LIMD1: variants seen among roughly 807,000 people sequenced by gnomAD.
LIMD1 encodes LIM domain containing 1, also known as LIM domain-containing protein 1.
Under a neutral mutation model 58.4 loss-of-function variants are expected in LIMD1, and 23 were observed. That is an observed-to-expected ratio of 0.39 (90% confidence interval 0.28 to 0.56). The LOEUF (loss-of-function observed/expected upper bound fraction) is 0.56, where lower values mean the gene tolerates loss of function less well. LIMD1 is among the 20% of genes least tolerant of loss of function. The pLI, the probability that LIMD1 is intolerant of heterozygous loss-of-function variation, is 0.57. For synonymous variants in LIMD1, 334 were observed against 345.5 expected (o/e 0.97, Z 0.37); for missense variants, 838 against 855.5 (o/e 0.98, Z 0.25).
intron 1 of LIMD1, among the ~76,000 whole-genome samples, chr3:45,618,631 G>A (rs1007810702): frequency 1.3e-5 from 2 of 152,164 alleles, no homozygotes; most frequent in Middle Eastern, 3.2e-3. Flanking sequence ...CTTTTATGGG[G>A]CACCTCTGTG....
chr3:45,618,265 A>G (rs1701593633), intron 1 of LIMD1, among the ~76,000 whole-genome samples: 1 of 152,202 alleles, frequency 6.6e-6, no homozygotes, highest in African/African-American at 2.4e-5. Context: ...TGCGTGCGTC[A>G]TTCATTCATT....
At chr3:45,669,863 A>T (rs1168350561) in intron 4 of LIMD1, among the ~76,000 whole-genome samples, 1 of 152,164 alleles carries the variant, frequency 6.6e-6, no homozygotes, top group East Asian at 1.9e-4. Context: ...TTATGCATGA[A>T]GCTGCTGTGA....
chr3:45,595,894 G>A lies in LIMD1; in HGVS notation c.1015G>A (p.Asp339Asn). The change falls in exon 1 of 8, where the codon GAT becomes AAT. Residue 339 changes from aspartate to asparagine, a missense_variant. This residue lies in a region of LIMD1 where 659 missense variants were observed against 639.8 expected (regional missense o/e 1.03). Coordinates refer to ENST00000273317, the MANE Select transcript of LIMD1 (RefSeq NM_014240.3). ...PNVDPQPWFQ[D>N]GPKSYLSSSA... ...TGTGGACCCCCAACCCTGGTTCCAG[G>A]ATGGGCCCAAATCTTACCTTTCCAG... The A allele has an allele frequency of 6.2e-7, 1 of 1,614,244 alleles. No homozygotes were observed. The highest frequency in any genetic ancestry group is 8.5e-7 in the Non-Finnish European group (1 of 1,180,042).
intron 1 of LIMD1, among the ~76,000 whole-genome samples, chr3:45,624,536 C>T (rs750349715): frequency 6.6e-6 from 1 of 152,070 alleles, no homozygotes; most frequent in African/African-American, 2.4e-5. Flanking sequence ...GAAACCCCAT[C>T]TCTACTGAAA....
At chr3:45,620,514 A>G (rs1701619375) in intron 1 of LIMD1, among the ~76,000 whole-genome samples, 1 of 152,222 alleles carries the variant, frequency 6.6e-6, no homozygotes, top group Non-Finnish European at 1.5e-5. Context: ...GGGGCTGGGC[A>G]TGGTGGCTCA....
Position 45,667,561 on chromosome 3 carries a change from GT to G in LIMD1, c.1579-727del, listed in dbSNP as rs369590122. 2.8e-3 allele frequency among the ~76,000 whole-genome samples: 427 copies of G among 149,994 alleles called. 3 individuals are homozygous for G. The highest frequency in any genetic ancestry group is 9.4e-3 in the African/African-American group (383 of 40,608). On this transcript the variant is annotated intron_variant, in intron 3 of 7. Transcript: ENST00000273317. ...TAGTCTAGCGTGTAGCATCTAGTAT[GT>G]TTTTTGAAGAGAGCACCTCATGTCT...
chr3:45,629,770 C>T (rs1003813148), intron 1 of LIMD1, among the ~76,000 whole-genome samples: 1 of 152,138 alleles, frequency 6.6e-6, no homozygotes, highest in Non-Finnish European at 1.5e-5. Context: ...CATCAGCCGG[C>T]AGAACGAGGC....
chr3:45,659,848 C>A (rs1352995121), intron 2 of LIMD1, among the ~76,000 whole-genome samples: 1 of 152,166 alleles, frequency 6.6e-6, no homozygotes, highest in Non-Finnish European at 1.5e-5. Context: ...TTTAAAGTTT[C>A]CCTTCCAGGG....
At chr3:45,625,558 C>T (rs1387413577) in intron 1 of LIMD1, among the ~76,000 whole-genome samples, 1 of 152,064 alleles carries the variant, frequency 6.6e-6, no homozygotes. Context: ...ATATGCCCCC[C>T]ACAGTTCAAG....
chr3:45,612,029 G>A (rs908099546), intron 1 of LIMD1, among the ~76,000 whole-genome samples: 6 of 151,862 alleles, frequency 4.0e-5, no homozygotes, highest in Non-Finnish European at 8.8e-5. Flanking sequence ...GAGGAAGCTA[G>A]CATGGCTTCT....
At chr3:45,628,986 C>T (rs58520152) in intron 1 of LIMD1, among the ~76,000 whole-genome samples, 2,001 of 152,200 alleles carry the variant, frequency 0.013, 59 homozygotes, top group African/African-American at 0.046. Context: ...TGACAGAAAG[C>T]AGATCAGTGG....
At chr3:45,635,717 T>A (rs1287538308) in intron 1 of LIMD1, among the ~76,000 whole-genome samples, 2 of 78,372 alleles carry the variant, frequency 2.6e-5, no homozygotes, top group Admixed American at 2.1e-4. Context: ...GGGCAACATA[T>A]CAAGATCCCC....
At chr3:45,650,008 A>G (rs1701951595) in intron 2 of LIMD1, among the ~76,000 whole-genome samples, 1 of 149,648 alleles carries the variant, frequency 6.7e-6, no homozygotes, top group Admixed American at 6.7e-5. Flanking sequence ...TGTGCTTTTC[A>G]TGTTTCTTGT....
intron 1 of LIMD1, among the ~76,000 whole-genome samples, chr3:45,612,544 A>G (rs900534017): frequency 2.0e-5 from 3 of 152,162 alleles, no homozygotes; most frequent in Non-Finnish European, 4.4e-5. Flanking sequence ...TTGTTTTCAA[A>G]ATGCTGTATT....
chr3:45,654,701 G>A (rs1702008304), intron 2 of LIMD1, among the ~76,000 whole-genome samples: 1 of 150,836 alleles, frequency 6.6e-6, no homozygotes, highest in African/African-American at 2.4e-5. Flanking sequence ...AGTCATGGTG[G>A]CATCCACGTG....
intron 1 of LIMD1, among the ~76,000 whole-genome samples, chr3:45,611,187 G>A (rs1023906844): frequency 6.6e-6 from 1 of 152,224 alleles, no homozygotes; most frequent in Non-Finnish European, 1.5e-5. Context: ...GATTTGTTCA[G>A]AACCACAAAT....
chr3:45,595,440 C>G lies in LIMD1; in HGVS notation c.561C>G (p.Ser187Arg), dbSNP rs777776213. ...ATTATGACAACCTCTCCTTGGCAAGCCCAAAGTGGGGTGACAAACCAGGAG... is the reference window on the plus strand; with the variant it reads ...ATTATGACAACCTCTCCTTGGCAAGGCCAAAGTGGGGTGACAAACCAGGAG... ...GDYYDNLSLA[S>R]PKWGDKPGVS... The change falls in exon 1 of 8, where the codon AGC becomes AGG. Residue 187 changes from serine (S) to arginine (R), a missense_variant. By Grantham distance (110) the Ser-to-Arg change is moderately radical. Around this residue, in one of 3 missense-constraint regions of LIMD1, gnomAD observed 659 missense variants for 639.8 expected, o/e 1.03. Transcript: ENST00000273317. The G allele has an allele frequency of 2.2e-5, 35 of 1,613,836 alleles. No homozygotes were observed. The African/African-American group carries it at 4.5e-4, about 21-fold the overall frequency.
Position 45,594,788 on chromosome 3 carries a change from C to CACACACACACACACACACACACACACAT in LIMD1, c.-65_-64insTACACACACACACACACACACACACACA. 1 of 70,678 alleles carries CACACACACACACACACACACACACACAT rather than the reference C, an allele frequency of 1.4e-5. No individual in the cohort carries two copies. The allele number at this position is 70,678 out of a possible 1,614,324, so 4.4% of individuals were successfully genotyped here. A position where few individuals can be genotyped will look rare whatever the true frequency, so the allele number is the denominator to read the frequency against. ...CTCCCCGCTGCCCTCAACACACACA[C>CACACACACACACACACACACACACACAT]ACACACACACACACACACACACACA... is the stretch of plus-strand genomic sequence containing the variant. On this transcript the variant is annotated 5_prime_UTR_variant, in exon 1 of 8. Transcript: ENST00000273317.
intron 1 of LIMD1, among the ~76,000 whole-genome samples, chr3:45,623,626 T>C (rs920106452): frequency 1.3e-5 from 2 of 152,206 alleles, no homozygotes; most frequent in African/African-American, 4.8e-5. Context: ...GCTGGCACAA[T>C]GACCCTATGG....
Sources: gnomAD v4.1 joint callset for allele counts (sites outside exome capture counted in the v4.1 genomes callset) on GRCh38, gnomAD v4.1.1 for gene constraint, gnomAD v4.1.1 regional missense constraint, MANE v1.5 for transcripts, NCBI Gene and HGNC (gene_info 2026-07-23, HGNC 2026-07-21) for gene names.